NEBL: variants seen among roughly 807,000 people sequenced by gnomAD.
NEBL encodes the protein LIM and SH3 protein 2.
A neutral mutation model predicts 140.2 loss-of-function variants in NEBL; 122 were observed. The observed-to-expected ratio is 0.87, with a 90% CI of 0.75 to 1.01. The LOEUF (loss-of-function observed/expected upper bound fraction) is 1.01, where lower values mean the gene tolerates loss of function less well. NEBL is among the 50% of genes least tolerant of loss of function. The probability of loss-of-function intolerance (pLI) is 0.00; values close to 1 mark genes in which losing one functional copy is unlikely to be tolerated. For missense variants in NEBL, 1,365 were observed against 1,231.3 expected (o/e 1.11, Z -1.62); for synonymous variants, 436 against 398.9 (o/e 1.09, Z -1.11).
intron 2 of NEBL, among the ~76,000 whole-genome samples, chr10:21,129,561 A>G (rs1004400469): frequency 2.0e-5 from 3 of 152,116 alleles, no homozygotes; most frequent in Admixed American, 2.0e-4. Context: ...ATGCTTTTGT[A>G]TAAGTGAAAT....
chr10:21,088,361 G>C (rs1394668906), intron 2 of NEBL, among the ~76,000 whole-genome samples: 1 of 152,170 alleles, frequency 6.6e-6, no homozygotes, highest in Non-Finnish European at 1.5e-5. Flanking sequence ...TTATCTGGGT[G>C]TTGTGGTCCC....
intron 4 of NEBL, among the ~76,000 whole-genome samples, chr10:20,914,890 C>T (rs1242696672): frequency 2.0e-5 from 3 of 151,290 alleles, no homozygotes; most frequent in Non-Finnish European, 2.9e-5. Context: ...CGGAGTCTCA[C>T]TCTGTCACCC....
At chr10:21,041,299 A>C (rs933521535) in intron 2 of NEBL, among the ~76,000 whole-genome samples, 7 of 152,188 alleles carry the variant, frequency 4.6e-5, no homozygotes, top group Non-Finnish European at 1.0e-4. Flanking sequence ...GAAGGAGAAC[A>C]TGCGGTATTT....
At chr10:20,915,715 T>C (rs1251107413) in intron 4 of NEBL, among the ~76,000 whole-genome samples, 1 of 152,158 alleles carries the variant, frequency 6.6e-6, no homozygotes, top group East Asian at 1.9e-4. Context: ...ACAATAAACA[T>C]ACATGTGCAT....
At chr10:20,953,505 AAT>A (rs1491534054) in intron 4 of NEBL, among the ~76,000 whole-genome samples, 2 of 111,842 alleles carry the variant, frequency 1.8e-5, no homozygotes, top group African/African-American at 7.3e-5. Flanking sequence ...GACAAGCCCT[AAT>A]TTTTTTTTTT....
At chr10:20,885,145 A>G (rs866867532) in intron 4 of NEBL, among the ~76,000 whole-genome samples, 4 of 152,238 alleles carry the variant, frequency 2.6e-5, no homozygotes, top group Middle Eastern at 3.2e-3. Flanking sequence ...TTCTGAATTC[A>G]TCCAATACTC....
chr10:20,845,370 T>C lies in NEBL; in HGVS notation c.1117-2A>G. ...CTCAAAATCCTCTTTGTAAACTTTC[T>C]GTTAAATAAGACCACATAATTTTAA... On this transcript the variant is annotated splice_acceptor_variant, in intron 11 of 27. Coordinates refer to ENST00000377122, the MANE Select transcript of NEBL (RefSeq NM_006393.3). LOFTEE classifies it high-confidence loss of function. 6.6e-7 allele frequency: 1 copy of C among 1,523,428 alleles called. No homozygotes were observed. Among genetic ancestry groups the C allele is most frequent in the Non-Finnish European group, 9.1e-7 (1 of 1,098,122 alleles). The allele number at this position is 1,523,428 out of a possible 1,614,324, so 94.4% of individuals were successfully genotyped here. A position where few individuals can be genotyped will look rare whatever the true frequency, so the allele number is the denominator to read the frequency against.
At chr10:20,959,970 C>T (rs1835979068) in intron 4 of NEBL, among the ~76,000 whole-genome samples, 2 of 151,812 alleles carry the variant, frequency 1.3e-5, no homozygotes, top group African/African-American at 4.8e-5. Flanking sequence ...ATCTGCAAAC[C>T]ACCTCTGGTA....
chr10:21,197,500 C>T (rs184422069), intron 3 of NEBL, among the ~76,000 whole-genome samples: 3 of 152,228 alleles, frequency 2.0e-5, no homozygotes, highest in East Asian at 3.9e-4. Context: ...ACAGCTTTGT[C>T]CCCCTGTGAA....
intron 4 of NEBL, among the ~76,000 whole-genome samples, chr10:20,944,031 T>A (rs1048618084): frequency 1.1e-4 from 16 of 152,240 alleles, no homozygotes; most frequent in Non-Finnish European, 2.1e-4. Flanking sequence ...AGCTACCTTA[T>A]GGTTCACCAT....
rs185886037 is a variant in NEBL at position 20,962,842 on chromosome 10, G to A, written c.250-1063C>T. Among the ~76,000 whole-genome samples, 492 of 152,224 alleles carry A rather than the reference G, an allele frequency of 3.2e-3. 4 individuals carry two copies. Among genetic ancestry groups the A allele is most frequent in the Non-Finnish European group, 4.3e-3 (295 of 68,014 alleles). ...TTGCCTATTCAATATGATTGTTAGT[G>A]TAGTGTAGTCTTCTGCAGAAGGTAG... On this transcript the variant is annotated intron_variant, in intron 3 of 6. Coordinates refer to the NEBL transcript ENST00000417816.
intron 2 of NEBL, among the ~76,000 whole-genome samples, chr10:21,140,271 A>G (rs565260429): frequency 2.0e-5 from 3 of 152,328 alleles, no homozygotes; most frequent in Admixed American, 1.3e-4. Flanking sequence ...TTGAGTAAAC[A>G]GTGAAAATAT....
At chr10:21,252,811 C>A (rs1842603582) in intron 1 of NEBL, among the ~76,000 whole-genome samples, 1 of 152,090 alleles carries the variant, frequency 6.6e-6, no homozygotes, top group Non-Finnish European at 1.5e-5. Flanking sequence ...CAAAATTAGC[C>A]AGGCATGGTG....
intron 11 of NEBL, among the ~76,000 whole-genome samples, chr10:20,848,985 G>A (rs1025868571): frequency 1.3e-5 from 2 of 152,002 alleles, no homozygotes; most frequent in African/African-American, 4.8e-5. Context: ...GAGTTTTTTT[G>A]TCTACAAGTT....
chr10:20,888,232 A>G, intron 3 of NEBL, 25 bp from the exon 4 acceptor site: 1 of 1,323,888 alleles, frequency 7.6e-7, no homozygotes, highest in Non-Finnish European at 1.1e-6. Context: ...AACAGGAAAA[A>G]AATAAATAAA....
intron 11 of NEBL, among the ~76,000 whole-genome samples, chr10:20,846,181 G>A (rs1299389262): frequency 1.3e-5 from 2 of 152,054 alleles, no homozygotes; most frequent in South Asian, 2.1e-4. Context: ...TGACTATAAA[G>A]ACAGCCTCTC....
At chr10:21,230,768 C>G (rs1842238493) in intron 3 of NEBL, among the ~76,000 whole-genome samples, 1 of 152,084 alleles carries the variant, frequency 6.6e-6, no homozygotes, top group Admixed American at 6.6e-5. Flanking sequence ...CCAAGCCCAG[C>G]TAATTTCTGT....
At chr10:20,984,174 C>T (rs994349748) in intron 3 of NEBL, among the ~76,000 whole-genome samples, 2 of 146,854 alleles carry the variant, frequency 1.4e-5, no homozygotes, top group Non-Finnish European at 3.0e-5. Context: ...ATATTAAAAA[C>T]AGGTACACCA....
intron 2 of NEBL, among the ~76,000 whole-genome samples, chr10:21,128,837 C>G (rs1838963436): frequency 2.0e-5 from 3 of 152,084 alleles, no homozygotes; most frequent in Non-Finnish European, 4.4e-5. Flanking sequence ...CTCAAACTCC[C>G]ACTTGAATCT....
Sources: allele counts gnomAD v4.1 joint callset (sites outside exome capture counted in the v4.1 genomes callset), GRCh38; gene constraint gnomAD v4.1.1; transcripts MANE v1.5; gene names NCBI Gene and HGNC (gene_info 2026-07-23, HGNC 2026-07-21).